MAPRE2: variants seen among roughly 807,000 people sequenced by gnomAD.
The protein encoded by MAPRE2 is microtubule associated protein RP/EB family member 2, also known as microtubule-associated protein RP/EB family member 2.
In MAPRE2, 13 loss-of-function variants were observed where a neutral mutation model predicts 43.2. The observed-to-expected ratio is 0.30, with a 90% CI of 0.20 to 0.48. The LOEUF (loss-of-function observed/expected upper bound fraction) is 0.48. MAPRE2 is among the 20% of genes least tolerant of loss of function. MAPRE2 has a pLI of 0.99. For missense variants in MAPRE2, 161 were observed against 400.2 expected (o/e 0.40, Z 5.10); for synonymous variants, 135 against 148.8 (o/e 0.91, Z 0.68).
rs1202864436 is a variant in MAPRE2, at chr18:34,984,565, A to G, written c.-70+7486A>G. 18 of 151,610 alleles carry G rather than the reference A, an allele frequency of 1.2e-4. No homozygotes were observed. The Admixed American group carries it at 1.2e-3, about 10-fold the overall frequency. 9.4% of individuals were successfully genotyped at this position (151,610 alleles called of 1,614,324 possible). A position where few individuals can be genotyped will look rare whatever the true frequency, so the allele number is the denominator to read the frequency against. On this transcript the variant is annotated intron_variant, in intron 1 of 7. Transcript: ENST00000413393. Reference sequence around the variant, plus strand: ...TCCCATCCTAACACCAGTGATAGTAATGGCATGTTAGGTCACTAACTTCCA... The same window carrying G: ...TCCCATCCTAACACCAGTGATAGTAGTGGCATGTTAGGTCACTAACTTCCA...
At chr18:35,093,506 A>C (rs1569000802) in intron 2 of MAPRE2, among the ~76,000 whole-genome samples, 1 of 152,206 alleles carries the variant, frequency 6.6e-6, no homozygotes, top group Non-Finnish European at 1.5e-5. Context: ...CAAGAAATGG[A>C]ATCAACCTTA....
At chr18:35,095,398 A>ACACACG (rs1569001480) in intron 2 of MAPRE2, among the ~76,000 whole-genome samples, 2 of 118,824 alleles carry the variant, frequency 1.7e-5, no homozygotes, top group East Asian at 6.1e-4. Flanking sequence ...ACACACACAC[A>ACACACG]CACGCACACA....
At chr18:34,988,873 T>C (rs2097022357) in intron 1 of MAPRE2, 1 of 152,226 alleles carries the variant, frequency 6.6e-6, no homozygotes, top group Non-Finnish European at 1.5e-5. Flanking sequence ...CTTTTGTTTT[T>C]TTCTTCTAGA....
At chr18:34,990,483 G>A (rs566022814) in intron 1 of MAPRE2, among the ~76,000 whole-genome samples, 2 of 152,152 alleles carry the variant, frequency 1.3e-5, no homozygotes, top group East Asian at 3.9e-4. Context: ...CAGGTGTTGG[G>A]ATATTTTTGT....
chr18:35,045,897 C>T (rs939543095), intron 1 of MAPRE2, among the ~76,000 whole-genome samples: 1 of 152,174 alleles, frequency 6.6e-6, no homozygotes, highest in African/African-American at 2.4e-5. Flanking sequence ...TTAGTACATG[C>T]CCAACTCTGG....
At chr18:35,049,777 A>G (rs1358616578) in intron 1 of MAPRE2, among the ~76,000 whole-genome samples, 3 of 152,220 alleles carry the variant, frequency 2.0e-5, no homozygotes, top group Non-Finnish European at 2.9e-5. Context: ...TATCACTCCT[A>G]TAATTTTCAA....
At chr18:35,108,909 C>G (rs899632142) in intron 4 of MAPRE2, among the ~76,000 whole-genome samples, 3 of 152,052 alleles carry the variant, frequency 2.0e-5, no homozygotes, top group Non-Finnish European at 4.4e-5. Context: ...AAAATGTTCT[C>G]CCATTCTGTA....
At chr18:34,992,676 G>A (rs2097024418) in intron 1 of MAPRE2, among the ~76,000 whole-genome samples, 1 of 152,138 alleles carries the variant, frequency 6.6e-6, no homozygotes, top group Non-Finnish European at 1.5e-5. Context: ...TAAACGTGAG[G>A]AAAACATGCA....
At chr18:35,019,429 A>G (rs1211910995) in intron 2 of MAPRE2, among the ~76,000 whole-genome samples, 1 of 151,882 alleles carries the variant, frequency 6.6e-6, no homozygotes, top group African/African-American at 2.4e-5. Context: ...ATTAGGTCCA[A>G]GTGTTGAATT....
chr18:34,997,683 G>A (rs752588967), intron 1 of MAPRE2, among the ~76,000 whole-genome samples: 1 of 152,168 alleles, frequency 6.6e-6, no homozygotes, highest in Non-Finnish European at 1.5e-5. Context: ...TGGCGTGGTG[G>A]CAGGCACCTG....
At chr18:35,028,366 G>A (rs1255901001) in intron 2 of MAPRE2, among the ~76,000 whole-genome samples, 3 of 152,176 alleles carry the variant, frequency 2.0e-5, no homozygotes, top group Non-Finnish European at 2.9e-5. Context: ...CAACTTGTAA[G>A]CACTTGGATT....
upstream of MAPRE2, chr18:35,041,404 G>C: frequency 6.6e-7 from 1 of 1,524,714 alleles, no homozygotes; most frequent in Non-Finnish European, 8.8e-7. Context: ...GGGCGCGAGC[G>C]AGAGCTGGGA....
rs563706158 is a variant in MAPRE2 at position 35,015,210 on chromosome 18, G to A, written c.-8+9657G>A. Among the ~76,000 whole-genome samples, 6 of 152,174 alleles carry A rather than the reference G, an allele frequency of 3.9e-5. No homozygotes were observed. In the South Asian group the frequency reaches 1.2e-3, roughly 32 times the overall value. On this transcript the variant is annotated intron_variant, in intron 2 of 7. Transcript: ENST00000413393. ...AGTTGGTGATAGCCTAGGGATTCTG[G>A]TCCTGGTGAGGTTGAGTACAGGGGA...
At chr18:34,987,861 T>C (rs2097021810) in intron 1 of MAPRE2, among the ~76,000 whole-genome samples, 1 of 152,150 alleles carries the variant, frequency 6.6e-6, no homozygotes, top group South Asian at 2.1e-4. Context: ...CAGGCTGGTC[T>C]CGAACTCCTG....
chr18:35,106,290 T>C (rs888906174), intron 4 of MAPRE2, among the ~76,000 whole-genome samples: 14 of 152,058 alleles, frequency 9.2e-5, no homozygotes, highest in Admixed American at 2.0e-4. Context: ...TTTGGAATAC[T>C]TGATTTATTT....
At chr18:35,023,268 T>C (rs2097043031) in intron 2 of MAPRE2, among the ~76,000 whole-genome samples, 1 of 152,098 alleles carries the variant, frequency 6.6e-6, no homozygotes, top group Non-Finnish European at 1.5e-5. Context: ...ATCCCAGCAC[T>C]TTGGGAGGCC....
chr18:35,083,765 G>T (rs77993634), intron 2 of MAPRE2, among the ~76,000 whole-genome samples: 10 of 152,116 alleles, frequency 6.6e-5, no homozygotes, highest in Non-Finnish European at 1.5e-4. Flanking sequence ...ATCAGCAGAC[G>T]AAAAGAAATC....
intron 1 of MAPRE2, among the ~76,000 whole-genome samples, chr18:35,043,193 T>C (rs773642818): frequency 1.1e-4 from 16 of 152,218 alleles, no homozygotes; most frequent in Non-Finnish European, 1.8e-4. Flanking sequence ...CCTCCACCTT[T>C]TTCCTCTGTG....
intron 2 of MAPRE2, among the ~76,000 whole-genome samples, chr18:35,033,916 A>G (rs1407625664): frequency 2.0e-5 from 3 of 146,842 alleles, no homozygotes; most frequent in African/African-American, 5.0e-5. Context: ...AAGAATCAAT[A>G]TCGTGAAAAT....
Sources: allele counts gnomAD v4.1 joint callset (sites outside exome capture counted in the v4.1 genomes callset), GRCh38; gene constraint gnomAD v4.1.1; transcripts MANE v1.5; gene names NCBI Gene and HGNC (gene_info 2026-07-23, HGNC 2026-07-21).